SYNPR: variants seen among roughly 807,000 people sequenced by gnomAD.
SYNPR encodes the protein synaptoporin.
SYNPR carries 23 observed loss-of-function variants against 32.9 expected under a neutral mutation model. The ratio of observed to expected loss-of-function variants is 0.70; its 90% CI spans 0.50 to 0.99. The LOEUF is 0.99. Ranked by LOEUF, SYNPR falls within the 50% of genes least tolerant of loss-of-function variation. SYNPR has a pLI of 0.00. For missense variants in SYNPR, 318 were observed against 349.3 expected (o/e 0.91, Z 0.71); for synonymous variants, 146 against 135.9 (o/e 1.07, Z -0.52).
intron 3 of SYNPR, among the ~76,000 whole-genome samples, chr3:63,499,805 A>G (rs1484248822): frequency 6.6e-6 from 1 of 152,064 alleles, no homozygotes; most frequent in Non-Finnish European, 1.5e-5. Context: ...ACACTAACCT[A>G]TTTGAAATAA....
chr3:63,505,213 G>A (rs934283090), intron 3 of SYNPR, among the ~76,000 whole-genome samples: 3 of 152,130 alleles, frequency 2.0e-5, no homozygotes, highest in Non-Finnish European at 4.4e-5. Flanking sequence ...AAGGTTAAAT[G>A]TTAGGTTGAA....
intron 2 of SYNPR, among the ~76,000 whole-genome samples, chr3:63,477,220 C>T (rs749917054): frequency 5.9e-5 from 9 of 152,136 alleles, no homozygotes; most frequent in Non-Finnish European, 1.2e-4. Context: ...CCTGGAGAGC[C>T]TCCAGTCCCC....
intron 2 of SYNPR, among the ~76,000 whole-genome samples, chr3:63,333,688 G>A (rs2087254388): frequency 6.6e-6 from 1 of 152,068 alleles, no homozygotes; most frequent in African/African-American, 2.4e-5. Flanking sequence ...AAAGTGCTTG[G>A]ATTACAGGTA....
At chr3:63,615,078 T>G in intron 5 of SYNPR, 146 bp from the exon 6 acceptor site, 1 of 959,760 alleles carries the variant, frequency 1.0e-6, no homozygotes, top group Non-Finnish European at 1.5e-6. Context: ...CTAAATGAAA[T>G]ACCGGTTCCA....
At chr3:63,330,683 T>A (rs531679493) in intron 2 of SYNPR, among the ~76,000 whole-genome samples, 3 of 152,296 alleles carry the variant, frequency 2.0e-5, no homozygotes, top group Non-Finnish European at 4.4e-5. Context: ...TTTAATTCCT[T>A]TAATCTATGT....
the SYNPR span, among the ~76,000 whole-genome samples, chr3:63,221,058 G>A: frequency 2.0e-5 from 3 of 152,184 alleles, no homozygotes; most frequent in Non-Finnish European, 4.4e-5. Flanking sequence ...GGGAAAGTCA[G>A]AGAGATGCAG....
intron 2 of SYNPR, among the ~76,000 whole-genome samples, chr3:63,418,263 G>C (rs1020246295): frequency 7.9e-5 from 12 of 152,092 alleles, no homozygotes; most frequent in African/African-American, 2.9e-4. Flanking sequence ...CTTTGTTCCA[G>C]TTCCTAACAA....
chr3:63,500,175 T>C (rs1701452790), intron 3 of SYNPR, among the ~76,000 whole-genome samples: 1 of 152,194 alleles, frequency 6.6e-6, no homozygotes, highest in Admixed American at 6.5e-5. Flanking sequence ...AATATTTTCG[T>C]TTGAGTAAAA....
intron 2 of SYNPR, among the ~76,000 whole-genome samples, chr3:63,296,918 C>T (rs1444003343): frequency 6.6e-6 from 1 of 152,116 alleles, no homozygotes; most frequent in Non-Finnish European, 1.5e-5. Flanking sequence ...AAACCATAGC[C>T]ACTCACTACA....
At chr3:63,439,869 T>A (rs1267059106) in intron 2 of SYNPR, among the ~76,000 whole-genome samples, 1 of 152,226 alleles carries the variant, frequency 6.6e-6, no homozygotes, top group Non-Finnish European at 1.5e-5. Flanking sequence ...TGTTCTCAAG[T>A]TGATTCACTG....
At chr3:63,264,135 T>G (rs942147024) in intron 2 of SYNPR, among the ~76,000 whole-genome samples, 6 of 152,142 alleles carry the variant, frequency 3.9e-5, no homozygotes, top group African/African-American at 1.4e-4. Flanking sequence ...TGTCTTCTTG[T>G]GATTAGTGTA....
At chr3:63,584,142 TC>T (rs1391149591) in intron 4 of SYNPR, among the ~76,000 whole-genome samples, 2 of 152,088 alleles carry the variant, frequency 1.3e-5, no homozygotes, top group Non-Finnish European at 2.9e-5. Context: ...GTTTCTGGTG[TC>T]CTTTACAATG....
At chr3:63,381,260 C>G (rs1384927041) in intron 2 of SYNPR, among the ~76,000 whole-genome samples, 3 of 152,132 alleles carry the variant, frequency 2.0e-5, no homozygotes, top group Non-Finnish European at 2.9e-5. Context: ...ACACCAATAA[C>G]AGACAAACAG....
intron 2 of SYNPR, among the ~76,000 whole-genome samples, chr3:63,316,242 G>A (rs1011948057): frequency 6.6e-6 from 1 of 151,922 alleles, no homozygotes; most frequent in African/African-American, 2.4e-5. Flanking sequence ...GGTGATGCTG[G>A]CTTCATAAAA....
intron 2 of SYNPR, among the ~76,000 whole-genome samples, chr3:63,426,043 C>T (rs1163546952): frequency 6.6e-6 from 1 of 152,086 alleles, no homozygotes; most frequent in Non-Finnish European, 1.5e-5. Context: ...CCTCGACCTC[C>T]CAAAGTGCTG....
chr3:63,522,306 A>T (rs137916188), intron 3 of SYNPR, among the ~76,000 whole-genome samples: 1 of 152,220 alleles, frequency 6.6e-6, no homozygotes, highest in East Asian at 1.9e-4. Flanking sequence ...CTTCTCTTTG[A>T]CCCTCAGTTT....
intron 2 of SYNPR, among the ~76,000 whole-genome samples, chr3:63,403,267 T>G (rs6777734): frequency 0.047 from 7,173 of 152,122 alleles, 412 homozygotes; most frequent in African/African-American, 0.14. Flanking sequence ...CTAAATGAAT[T>G]GCCTAAATAT....
intron 2 of SYNPR, among the ~76,000 whole-genome samples, chr3:63,310,859 C>T (rs184480649): frequency 6.6e-6 from 1 of 152,108 alleles, no homozygotes; most frequent in East Asian, 2.0e-4. Flanking sequence ...CTGGTGCATG[C>T]TCAGACCCTA....
chr3:63,398,605 C>A (rs952465688), intron 2 of SYNPR, among the ~76,000 whole-genome samples: 1 of 151,728 alleles, frequency 6.6e-6, no homozygotes, highest in Non-Finnish European at 1.5e-5. Flanking sequence ...GTACTCCCAG[C>A]TGCTCAGGAG....
Sources: gnomAD v4.1 joint callset for allele counts (sites outside exome capture counted in the v4.1 genomes callset) on GRCh38, gnomAD v4.1.1 for gene constraint, MANE v1.5 for transcripts, NCBI Gene and HGNC (gene_info 2026-07-23, HGNC 2026-07-21) for gene names.